The following RNF151 variants were observed in gnomAD, a reference collection of about 807,000 sequenced individuals.
RNF151 encodes ring finger protein 151.
RNF151 carries 9 observed loss-of-function variants against 11.1 expected under a neutral mutation model. That is an observed-to-expected ratio of 0.81 (90% CI 0.49 to 1.42). RNF151 has a LOEUF of 1.42. RNF151 is among the 40% of genes most tolerant of loss of function. The pLI, the probability that RNF151 is intolerant of heterozygous loss-of-function variation, is 0.00. For missense variants in RNF151, 372 were observed against 342.9 expected (o/e 1.08, Z -0.67); for synonymous variants, 172 against 140.7 (o/e 1.22, Z -1.58).
Position 1,968,705 on chromosome 16 carries a change from A to G in RNF151, c.518A>G (p.Glu173Gly). ...CACAACGCCTGGAGCGTGCGCCAGG[A>G]GCGCCGTCGGCCCCTGCTGCTGTCC... ...ELHNAWSVRQ[E>G]RRRPLLLSLL... Residue 173 changes from glutamate (E) to glycine (G), a missense_variant, in exon 4 of 4, where the codon GAG becomes GGG. By Grantham distance (98) the Glu-to-Gly change is moderately conservative (BLOSUM62 -2). Transcript: ENST00000569714. The G allele has an allele frequency of 6.4e-7, 1 of 1,565,846 alleles. No individual in the cohort carries two copies. The highest frequency in any genetic ancestry group is 8.6e-7 in the Non-Finnish European group (1 of 1,156,092).
In RNF151 at chr16:1,968,826, G is replaced by A; in HGVS notation, c.639G>A (p.Leu213=). ...ACTTCCTGGAGGAAGACACCGCTCT[G>A]CTGGAGGGTGCCCCACAGGAGGAGG... ...LSNFLEEDTA[L]LEGAPQEEAE... is the part of the protein sequence containing the mutation. The change falls in exon 4 of 4, where the codon CTG becomes CTA. Residue 213 remains leucine, a synonymous_variant. Coordinates refer to ENST00000569714, the MANE Select transcript of RNF151 (RefSeq NM_174903.6). The A allele has an allele frequency of 2.5e-6, 4 of 1,593,246 alleles. No individual in the cohort carries two copies. The highest frequency in any genetic ancestry group is 3.4e-6 in the Non-Finnish European group (4 of 1,170,676).
chr16:1,968,328 C>T (rs1308350938), intron 3 of RNF151, 106 bp from the exon 4 acceptor site: 18 of 1,364,822 alleles, frequency 1.3e-5, no homozygotes, highest in South Asian at 1.2e-4. Context: ...GTCAGAAAAG[C>T]GTGGGAGGCT....
rs778386573 is a variant in RNF151 at position 1,968,830 on chromosome 16, G to C, written c.643G>C (p.Glu215Gln). The C allele has an allele frequency of 1.3e-6, 2 of 1,594,390 alleles. No homozygotes were observed. Among genetic ancestry groups the C allele is most frequent in the South Asian group, 2.3e-5 (2 of 87,756 alleles). Residue 215 changes from glutamate (E) to glutamine (Q), a missense_variant, in exon 4 of 4, where the codon GAG (glutamate) becomes CAG (glutamine). Physicochemically the swap from Glu to Gln is conservative, Grantham distance 29. Coordinates refer to ENST00000569714, the MANE Select transcript of RNF151 (RefSeq NM_174903.6). ...NFLEEDTALL[E>Q]GAPQEEAEAA... ...CCTGGAGGAAGACACCGCTCTGCTG[G>C]AGGGTGCCCCACAGGAGGAGGCCGA...
chr16:1,968,867 A>G lies in RNF151; in HGVS notation c.680A>G (p.Glu227Gly). Residue 227 changes from glutamate (E) to glycine (G), a missense_variant, in exon 4 of 4, where the codon GAA becomes GGA. Transcript: ENST00000569714. ...APQEEAEAAP[E>G]GNVGAEVVGE... is the part of the protein sequence containing the mutation. The stretch of plus-strand genomic sequence containing the variant: ...CAGGAGGAGGCCGAGGCTGCCCCAG[A>G]AGGCAACGTTGGGGCTGAGGTGGTG... 6.3e-7 allele frequency: 1 copy of G among 1,599,984 alleles called. No homozygotes were observed. The highest frequency in any genetic ancestry group is 8.5e-7 in the Non-Finnish European group (1 of 1,174,080).
chr16:1,967,667 C>A, intron 2 of RNF151, 58 bp from the exon 3 acceptor site: 1 of 1,400,374 alleles, frequency 7.1e-7, no homozygotes, highest in Non-Finnish European at 1.0e-6. Context: ...CGAGTGAGGG[C>A]TTGACCAGGG....
At chr16:1,968,143 G>C (rs993741322) in intron 3 of RNF151, 4 of 631,066 alleles carry the variant, frequency 6.3e-6, no homozygotes, top group Non-Finnish European at 8.5e-6. Flanking sequence ...TAGTTTTACA[G>C]ATGGGTAAAC....
Position 1,968,475 on chromosome 16 carries a change from G to C in RNF151, c.288G>C (p.Leu96=). The part of the protein sequence containing the change: ...ADAGCIVTCP[L]AHRKGHQDSC... ...CTGGCTGCATAGTGACATGCCCCCT[G>C]GCCCATCGCAAGGGGCACCAGGACT... The change falls in exon 4 of 4, where the codon CTG becomes CTC. Residue 96 remains leucine, a synonymous_variant. Coordinates refer to ENST00000569714, the MANE Select transcript of RNF151 (RefSeq NM_174903.6). The C allele has an allele frequency of 1.3e-6, 2 of 1,587,530 alleles. No homozygotes were observed. Among genetic ancestry groups the C allele is most frequent in the Non-Finnish European group, 1.7e-6 (2 of 1,163,936 alleles).
chr16:1,968,558 G>A lies in RNF151; in HGVS notation c.371G>A (p.Arg124His), dbSNP rs199952066. The change falls in exon 4 of 4, where the codon CGT (arginine) becomes CAT (histidine). Residue 124 changes from arginine to histidine, a missense_variant. By Grantham distance (29) the Arg-to-His change is conservative. Coordinates refer to ENST00000569714, the MANE Select transcript of RNF151 (RefSeq NM_174903.6). Reference sequence around the variant, plus strand: ...GAGGGCTGCACCTCGCAGGTGCCGCGTGGGACCCTGGCAGAGCACCGGCAG... The same window carrying A: ...GAGGGCTGCACCTCGCAGGTGCCGCATGGGACCCTGGCAGAGCACCGGCAG... ...PNEGCTSQVP[R>H]GTLAEHRQHC... The A allele has an allele frequency of 4.1e-4, 658 of 1,608,012 alleles. 3 individuals carry two copies. The African/African-American group carries it at 7.7e-3, about 19-fold the overall frequency.
intron 3 of RNF151, 74 bp downstream of exon 3, chr16:1,967,895 A>G (rs1181645538): frequency 9.7e-7 from 1 of 1,036,166 alleles, no homozygotes; most frequent in East Asian, 2.6e-5. Context: ...GCTAGGAGAG[A>G]AGGCAGGAGA....
rs1413637943 is a variant in RNF151 at position 1,968,834 on chromosome 16, GTGCCCCACAGGAGGAGGCCGAGGC to G, written c.655_678del (p.Gln219_Pro226del). ...GAGGAAGACACCGCTCTGCTGGAGG[GTGCCCCACAGGAGGAGGCCGAGGC>G]TGCCCCAGAAGGCAACGTTGGGGCT... On this transcript the variant is annotated inframe_deletion, in exon 4 of 4. Transcript: ENST00000569714. 6 of 1,594,608 alleles carry G rather than the reference GTGCCCCACAGGAGGAGGCCGAGGC, an allele frequency of 3.8e-6. No homozygotes were observed. Among genetic ancestry groups the G allele is most frequent in the Non-Finnish European group, 1.7e-6 (2 of 1,171,436 alleles).
intron 3 of RNF151, 133 bp from the exon 4 acceptor site, chr16:1,968,301 T>C (rs2083329012): frequency 8.5e-7 from 1 of 1,175,814 alleles, no homozygotes; most frequent in African/African-American, 1.5e-5. Flanking sequence ...CAGTGTTCTC[T>C]CCACCAACTC....
rs371960978 is a variant in RNF151, at chr16:1,968,532, C to T, written c.345C>T (p.Asn115=). The T allele has an allele frequency of 1.4e-5, 22 of 1,609,212 alleles. No homozygotes were observed. Among genetic ancestry groups the T allele is most frequent in the East Asian group, 6.7e-5 (3 of 44,710 alleles). The part of the protein sequence containing the change: ...SCPFELTACP[N]EGCTSQVPRG... ...CCTTTGAGCTAACGGCCTGCCCCAA[C>T]GAGGGCTGCACCTCGCAGGTGCCGC... Residue 115 remains asparagine (N), a synonymous_variant, in exon 4 of 4, where the codon AAC becomes AAT. Coordinates refer to ENST00000569714, the MANE Select transcript of RNF151 (RefSeq NM_174903.6).
Position 1,967,878 on chromosome 16 carries a change from G to T in RNF151, c.246+57G>T, listed in dbSNP as rs758691305. 7 of 1,269,454 alleles carry T rather than the reference G, an allele frequency of 5.5e-6. No homozygotes were observed. In the African/African-American group the frequency reaches 8.9e-5, roughly 16 times the overall value. The allele number at this position is 1,269,454 out of a possible 1,614,324, so 78.6% of individuals were successfully genotyped here. On this transcript the variant is annotated intron_variant, in intron 3 of 3. Coordinates refer to ENST00000569714, the MANE Select transcript of RNF151 (RefSeq NM_174903.6). Reference sequence around the variant, plus strand: ...AACCCTTCTCACCCTTGTAGGGGTGGGGCAGGGCTAGGAGAGAAGGCAGGA... The same window carrying T: ...AACCCTTCTCACCCTTGTAGGGGTGTGGCAGGGCTAGGAGAGAAGGCAGGA...
In RNF151 at chr16:1,967,306, C is replaced by T; in HGVS notation, c.36C>T (p.Ser12=). ...GGTATGATCTCAACCTCTTCGCCAG[C>T]CCTCCTGACAGCAACTTCGTGTGCT... ...GGGYDLNLFA[S]PPDSNFVCSV... The change falls in exon 2 of 4, where the codon AGC becomes AGT. Residue 12 remains serine, a synonymous_variant. Transcript: ENST00000569714. 1 of 1,613,548 alleles carries T rather than the reference C, an allele frequency of 6.2e-7. No homozygotes were observed. The highest frequency in any genetic ancestry group is 1.3e-5 in the African/African-American group (1 of 75,038).
In RNF151 at chr16:1,968,823, T is replaced by C; in HGVS notation, c.636T>C (p.Ala212=). Residue 212 remains alanine, a synonymous_variant, in exon 4 of 4, where the codon GCT becomes GCC. Transcript: ENST00000569714. ...ELSNFLEEDT[A]LLEGAPQEEA... ...GCAACTTCCTGGAGGAAGACACCGC[T>C]CTGCTGGAGGGTGCCCCACAGGAGG... is the stretch of plus-strand genomic sequence containing the variant. 1 of 1,593,658 alleles carries C rather than the reference T, an allele frequency of 6.3e-7. No homozygotes were observed. Among genetic ancestry groups the C allele is most frequent in the South Asian group, 1.1e-5 (1 of 87,696 alleles).
chr16:1,967,727 A>C lies in RNF151; in HGVS notation c.152A>C (p.Gln51Pro), dbSNP rs1175105138. The change falls in exon 3 of 4, where the codon CAA becomes CCA. Residue 51 changes from glutamine (Q) to proline (P), a missense_variant and splice_region_variant. By Grantham distance (76) the Gln-to-Pro change is moderately conservative. Coordinates refer to ENST00000569714, the MANE Select transcript of RNF151 (RefSeq NM_174903.6). Reference sequence around the variant, plus strand: ...CCCCTACTCATGCCTCCTTCCAGACAAAAGACCTGTCCGTGCTGTAGGAAA... The same window carrying C: ...CCCCTACTCATGCCTCCTTCCAGACCAAAGACCTGTCCGTGCTGTAGGAAA... ...KKCILRWLAR[Q>P]KTCPCCRKEV... The C allele has an allele frequency of 6.2e-7, 1 of 1,608,760 alleles. No homozygotes were observed.
chr16:1,967,865 C>T (rs2083325419), intron 3 of RNF151, 44 bp downstream of exon 3: 1 of 1,399,884 alleles, frequency 7.1e-7, no homozygotes. Flanking sequence ...CCCTTCTCAC[C>T]CTTGTAGGGG....
At position 1,968,929 on chromosome 16, in the gene RNF151, A is replaced by C; in HGVS notation, c.*4A>C. On this transcript the variant is annotated 3_prime_UTR_variant, in exon 4 of 4. Transcript: ENST00000569714. ...GGCCAACATACCTTGTAAATAGGTA[A>C]ATAAAAGCAGACCCCCGGCCTGCCT... 1 of 1,581,630 alleles carries C rather than the reference A, an allele frequency of 6.3e-7. No individual in the cohort carries two copies. Among genetic ancestry groups the C allele is most frequent in the Non-Finnish European group, 8.6e-7 (1 of 1,162,984 alleles).
intron 1 of RNF151, 103 bp from the exon 2 acceptor site, chr16:1,967,171 T>C: frequency 1.0e-5 from 15 of 1,447,782 alleles, no homozygotes; most frequent in Non-Finnish European, 1.4e-5. Flanking sequence ...TGAAGTTCTG[T>C]GGCCCACCTC....
Sources: gnomAD v4.1 joint callset for allele counts on GRCh38, gnomAD v4.1.1 for gene constraint, MANE v1.5 for transcripts, NCBI Gene and HGNC (gene_info 2026-07-23, HGNC 2026-07-21) for gene names.